TRABD2B: variants seen among roughly 807,000 people sequenced by gnomAD.
The protein encoded by TRABD2B is metalloprotease TIKI2.
TRABD2B carries 14 observed loss-of-function variants against 40.1 expected under a neutral mutation model. The ratio of observed to expected loss-of-function variants is 0.35; its 90% CI spans 0.23 to 0.55. The LOEUF (loss-of-function observed/expected upper bound fraction) is 0.55. Among genes scored for constraint, TRABD2B ranks in the 20% least tolerant of loss-of-function variants. The probability of loss-of-function intolerance (pLI) is 0.90; values close to 1 mark genes in which losing one functional copy is unlikely to be tolerated. For missense variants in TRABD2B, 541 were observed against 648.6 expected, an observed-to-expected ratio of 0.83 and a Z score of 1.80; for synonymous variants, 263 against 277.0, an observed-to-expected ratio of 0.95 and a Z score of 0.50.
In TRABD2B at chr1:47,895,220, G is replaced by A. The variant is rs189312641; in HGVS notation, c.667-93601C>T. 6.2e-4 allele frequency among the ~76,000 whole-genome samples: 94 copies of A among 152,256 alleles called. 2 individuals carry two copies. In the East Asian group the frequency reaches 0.017, roughly 28 times the overall value. On this transcript the variant is annotated intron_variant, in intron 2 of 6. Coordinates refer to ENST00000606738, the MANE Select transcript of TRABD2B (RefSeq NM_001194986.2). ...CACTGGACACAGAGGATGAGCGGAG[G>A]GGACGTGGATAGTCTCTTGCAGCCC...
chr1:47,896,686 C>T (rs1644526912), intron 2 of TRABD2B, among the ~76,000 whole-genome samples: 2 of 152,154 alleles, frequency 1.3e-5, no homozygotes, highest in African/African-American at 4.8e-5. Context: ...CTCTGAGGTA[C>T]CTCTACCTCT....
intron 2 of TRABD2B, among the ~76,000 whole-genome samples, chr1:47,888,150 C>T (rs1373749470): frequency 6.6e-6 from 1 of 152,224 alleles, no homozygotes; most frequent in Admixed American, 6.5e-5. Flanking sequence ...AAGTGTCTTC[C>T]AGGAGCATCT....
chr1:47,996,571 GGGGTGGAGGTGGAGCGGGC>G lies in TRABD2B; in HGVS notation c.102+98_102+116del. 8.9e-7 allele frequency: 1 copy of G among 1,125,416 alleles called. No homozygotes were observed. The highest frequency in any genetic ancestry group is 3.9e-5 in the East Asian group (1 of 25,866). The allele number at this position is 1,125,416 out of a possible 1,614,324, so 69.7% of individuals were successfully genotyped here. On this transcript the variant is annotated intron_variant, in intron 1 of 6. Coordinates refer to ENST00000606738, the MANE Select transcript of TRABD2B (RefSeq NM_001194986.2). This position sits in a 1 kb window ranked among gnomAD's most constrained non-coding sequence, Gnocchi z 4.6. ...GAAGGGCGCCCGAGGCTGCGCCCGG[GGGGTGGAGGTGGAGCGGGC>G]GGGCTAAGGTGGGTGCGGAAGCAGG...
chr1:47,851,898 C>G (rs1016707350), intron 2 of TRABD2B, among the ~76,000 whole-genome samples: 7 of 152,162 alleles, frequency 4.6e-5, no homozygotes, highest in African/African-American at 1.7e-4. Context: ...TAATATGTGC[C>G]AGAGGTGGGA....
chr1:47,826,216 G>A (rs1645172125), intron 2 of TRABD2B, among the ~76,000 whole-genome samples: 1 of 152,062 alleles, frequency 6.6e-6, no homozygotes, highest in Non-Finnish European at 1.5e-5. Context: ...ACTTAACTGT[G>A]GTCAAAGGAG....
intron 1 of TRABD2B, among the ~76,000 whole-genome samples, chr1:47,995,682 C>G (rs1019712697): frequency 6.6e-6 from 1 of 152,206 alleles, no homozygotes; most frequent in Admixed American, 6.5e-5. Context: ...ACTCATAACA[C>G]TTTTCTGCCT....
At chr1:47,882,461 GTC>G (rs1457664136) in intron 2 of TRABD2B, among the ~76,000 whole-genome samples, 1 of 152,240 alleles carries the variant, frequency 6.6e-6, no homozygotes, top group African/African-American at 2.4e-5. Context: ...GGGTGAGGGG[GTC>G]TCTGTTCTCA....
In TRABD2B at chr1:47,997,005, T is replaced by C. The variant is rs1353944866; in HGVS notation, c.-216A>G. The C allele has an allele frequency of 1.9e-6, 2 of 1,077,514 alleles. No individual in the cohort carries two copies. Among genetic ancestry groups the C allele is most frequent in the Non-Finnish European group, 2.2e-6 (2 of 890,970 alleles). 66.7% of individuals were successfully genotyped at this position (1,077,514 alleles called of 1,614,324 possible). ...TTGGAAGAGGGAGACCCTCTAGGGC[T>C]GGGCCCCTCCCCCGGGCGCTCAACC... On this transcript the variant is annotated 5_prime_UTR_variant, in exon 1 of 7. Transcript: ENST00000606738.
At chr1:47,766,952 T>C (rs865837166) in intron 6 of TRABD2B, among the ~76,000 whole-genome samples, 5 of 152,308 alleles carry the variant, frequency 3.3e-5, no homozygotes, top group Middle Eastern at 6.8e-3. Flanking sequence ...AACTGGAAGC[T>C]GACCTGAGCC....
intron 2 of TRABD2B, among the ~76,000 whole-genome samples, chr1:47,875,944 T>C (rs1481237491): frequency 1.3e-5 from 2 of 152,208 alleles, no homozygotes; most frequent in Admixed American, 1.3e-4. Flanking sequence ...CACAGTGCTT[T>C]GTGCTGCATC....
chr1:47,975,257 A>G (rs1220034121), intron 2 of TRABD2B, among the ~76,000 whole-genome samples: 1 of 152,232 alleles, frequency 6.6e-6, no homozygotes, highest in African/African-American at 2.4e-5. Context: ...TCTCTGTACT[A>G]TCTTCTCAAT....
At chr1:47,972,456 T>C (rs1013709589) in intron 2 of TRABD2B, among the ~76,000 whole-genome samples, 24 of 152,274 alleles carry the variant, frequency 1.6e-4, no homozygotes, top group African/African-American at 4.8e-4. Context: ...TGGGAGGTAA[T>C]AGGCCATGAG....
chr1:47,969,661 C>A (rs1046804026), intron 2 of TRABD2B, among the ~76,000 whole-genome samples: 2 of 152,178 alleles, frequency 1.3e-5, no homozygotes, highest in African/African-American at 4.8e-5. Context: ...TATAAATGAT[C>A]GAAGGCGTAG....
At chr1:47,797,608 T>A (rs909685923) in intron 3 of TRABD2B, among the ~76,000 whole-genome samples, 1 of 152,006 alleles carries the variant, frequency 6.6e-6, no homozygotes, top group African/African-American at 2.4e-5. Context: ...TTTAAAGCCA[T>A]GAAGGAAACT....
intron 3 of TRABD2B, among the ~76,000 whole-genome samples, chr1:47,799,102 A>G (rs1264498106): frequency 6.6e-6 from 1 of 152,184 alleles, no homozygotes; most frequent in Non-Finnish European, 1.5e-5. Context: ...AGTGGTCTGG[A>G]CCCAAGCTCA....
At chr1:47,814,422 T>G (rs749090895) in intron 2 of TRABD2B, among the ~76,000 whole-genome samples, 6 of 152,180 alleles carry the variant, frequency 3.9e-5, no homozygotes, top group Non-Finnish European at 1.5e-5. Context: ...GCAGGAGACA[T>G]TCTTGGCTCT....
intron 2 of TRABD2B, among the ~76,000 whole-genome samples, chr1:47,853,961 C>G (rs1643865654): frequency 6.6e-6 from 1 of 152,210 alleles, no homozygotes; most frequent in South Asian, 2.1e-4. Flanking sequence ...AAGCCTAGCT[C>G]CTTAGATGGC....
In TRABD2B at chr1:47,830,391, G is replaced by C. The variant is rs1432936059; in HGVS notation, c.667-28772C>G. ...ATATGCACCAGGCATTTGCTACCAA[G>C]AAATGAAGTGACTTCGTAAGTTCAC... is the stretch of plus-strand genomic sequence containing the variant. On this transcript the variant is annotated intron_variant, in intron 2 of 6. Transcript: ENST00000606738. Among the ~76,000 whole-genome samples, 3 of 152,390 alleles carry C rather than the reference G, an allele frequency of 2.0e-5. No homozygotes were observed. In the East Asian group the frequency reaches 5.8e-4, roughly 29 times the overall value.
At position 47,810,139 on chromosome 1, in the gene TRABD2B, T is replaced by G. The variant is rs111697122; in HGVS notation, c.667-8520A>C. Among the ~76,000 whole-genome samples the G allele has an allele frequency of 7.2e-4, 88 of 123,026 alleles. 4 individuals carry two copies. Among genetic ancestry groups the G allele is most frequent in the African/African-American group, 2.5e-3 (78 of 31,352 alleles). 80.7% of individuals were successfully genotyped at this position (123,026 alleles called of 152,430 possible). On this transcript the variant is annotated intron_variant, in intron 2 of 6. Coordinates refer to ENST00000606738, the MANE Select transcript of TRABD2B (RefSeq NM_001194986.2). ...AAATAAGGCAAAGAGGAATATAGGGTGTGTGTGTGTGTGTGCGCGCGCGCG... is the reference window on the plus strand; with the variant it reads ...AAATAAGGCAAAGAGGAATATAGGGGGTGTGTGTGTGTGTGCGCGCGCGCG...
Sources: allele counts gnomAD v4.1 joint callset (sites outside exome capture counted in the v4.1 genomes callset), GRCh38; gene constraint gnomAD v4.1.1; non-coding constraint Gnocchi (gnomAD v3.1); transcripts MANE v1.5; gene names NCBI Gene and HGNC (gene_info 2026-07-23, HGNC 2026-07-21).